MACF1: variants seen among roughly 807,000 people sequenced by gnomAD.
The protein encoded by MACF1 is microtubule actin crosslinking factor 1.
In MACF1, 193 loss-of-function variants were observed where a neutral mutation model predicts 854.8. The ratio of observed to expected loss-of-function variants is 0.23; its 90% CI spans 0.20 to 0.25. The LOEUF is 0.25. MACF1 is among the 10% of genes least tolerant of loss of function. MACF1 has a pLI of 1.00. For synonymous variants in MACF1, 3,185 were observed against 3,226.7 expected (o/e 0.99, Z 0.44); for missense variants, 7,722 against 8,929.1 (o/e 0.86, Z 5.45).
chr1:39,132,763 G>T (rs1356316031), intron 2 of MACF1, among the ~76,000 whole-genome samples: 56 of 152,112 alleles, frequency 3.7e-4, no homozygotes, highest in Admixed American at 3.6e-3. Flanking sequence ...ATGTGTGGGG[G>T]GTGGGAAGGA....
chr1:39,342,868 T>C (rs1247474363), intron 40 of MACF1, among the ~76,000 whole-genome samples: 1 of 152,168 alleles, frequency 6.6e-6, no homozygotes, highest in Non-Finnish European at 1.5e-5. Context: ...ATAGGCTTTA[T>C]GAACCATATG....
chr1:39,232,777 GTTTC>G (rs1644798579), intron 2 of MACF1, among the ~76,000 whole-genome samples: 62 of 119,152 alleles, frequency 5.2e-4, no homozygotes, highest in Non-Finnish European at 1.0e-3. Flanking sequence ...TTGTTTGTTT[GTTTC>G]TTTGTTTGTT....
chr1:39,188,297 C>T (rs905584137), intron 2 of MACF1, among the ~76,000 whole-genome samples: 6 of 152,090 alleles, frequency 3.9e-5, no homozygotes, highest in East Asian at 3.9e-4. Context: ...GATGTGGTGG[C>T]GCATGGAGGC....
At chr1:39,199,800 C>G (rs1644366939), upstream of MACF1, among the ~76,000 whole-genome samples, 1 of 152,168 alleles carries the variant, frequency 6.6e-6, no homozygotes, top group Non-Finnish European at 1.5e-5. Flanking sequence ...GCACAATGCT[C>G]TGCATCTTTT....
At chr1:39,242,118 C>T (rs969211119) in intron 2 of MACF1, among the ~76,000 whole-genome samples, 4 of 152,080 alleles carry the variant, frequency 2.6e-5, no homozygotes, top group African/African-American at 9.7e-5. Flanking sequence ...GAGGCTGAGG[C>T]GGGTGGATCA....
At chr1:39,150,311 G>C (rs759953810) in intron 2 of MACF1, among the ~76,000 whole-genome samples, 21 of 152,260 alleles carry the variant, frequency 1.4e-4, no homozygotes, top group Non-Finnish European at 2.5e-4. Context: ...GAGCCACCGT[G>C]CCTGGCATAA....
chr1:39,335,950 C>G lies in MACF1; in HGVS notation c.9362C>G (p.Ala3121Gly). Residue 3121 changes from alanine to glycine, a missense_variant, in exon 37 of 101, where the codon GCC becomes GGC. Physicochemically the swap from Ala to Gly is moderately conservative, Grantham distance 60. Coordinates refer to ENST00000564288, the MANE Select transcript of MACF1 (RefSeq NM_001394062.1). ...GLHYQESDGKAQVTGPSQISK... is the reference protein window; with the variant it reads ...GLHYQESDGKGQVTGPSQISK... ...CACTACCAGGAATCAGATGGAAAAG[C>G]CCAAGTGACAGGCCCATCCCAAATT... 3 of 1,614,084 alleles carry G rather than the reference C, an allele frequency of 1.9e-6. No homozygotes were observed. The South Asian group carries it at 3.3e-5, about 18-fold the overall frequency.
chr1:39,374,229 G>A lies in MACF1; in HGVS notation c.13213+1633G>A, dbSNP rs551551952. On this transcript the variant is annotated intron_variant, in intron 52 of 100. Coordinates refer to ENST00000564288, the MANE Select transcript of MACF1 (RefSeq NM_001394062.1). ...TGCACTCCAGCCTGTGCGACAGGGC[G>A]AGACTCTGTCTAAAAAAAAATAAAT... is the stretch of plus-strand genomic sequence containing the variant. 4.6e-5 allele frequency among the ~76,000 whole-genome samples: 7 copies of A among 152,268 alleles called. No homozygotes were observed. The East Asian group carries it at 5.8e-4, about 13-fold the overall frequency.
chr1:39,458,548 C>A, intron 90 of MACF1, 58 bp downstream of exon 90: 1 of 1,532,022 alleles, frequency 6.5e-7, no homozygotes, highest in East Asian at 2.3e-5. Context: ...AGGATGAGCA[C>A]TTTCCAAATG....
chr1:39,446,355 T>C (rs2148671752), intron 80 of MACF1, among the ~76,000 whole-genome samples: 1 of 152,000 alleles, frequency 6.6e-6, no homozygotes, highest in Non-Finnish European at 1.5e-5. Context: ...GATAGAATGA[T>C]GTGGAAAGAA....
chr1:39,371,097 G>T (rs1412410524), intron 51 of MACF1, among the ~76,000 whole-genome samples: 1 of 152,002 alleles, frequency 6.6e-6, no homozygotes, highest in African/African-American at 2.4e-5. Flanking sequence ...GAGGCGGGTG[G>T]ATCACAAGGT....
At chr1:39,364,648 G>A (rs551957435) in intron 49 of MACF1, among the ~76,000 whole-genome samples, 14 of 151,732 alleles carry the variant, frequency 9.2e-5, no homozygotes, top group Non-Finnish European at 1.6e-4. Flanking sequence ...GCCTGCCACC[G>A]CGCCTGGCTA....
At chr1:39,390,602 TC>T (rs1380608225) in intron 58 of MACF1, among the ~76,000 whole-genome samples, 5 of 152,182 alleles carry the variant, frequency 3.3e-5, no homozygotes, top group Non-Finnish European at 7.3e-5. Context: ...CTTAGAAACT[TC>T]CTTTCTAGTG....
At chr1:39,223,968 T>C (rs1055300640) in intron 1 of MACF1, among the ~76,000 whole-genome samples, 2 of 152,154 alleles carry the variant, frequency 1.3e-5, no homozygotes, top group African/African-American at 4.8e-5. Flanking sequence ...AAAGAAGAGT[T>C]CAGTTTTAGA....
At chr1:39,473,541 C>T (rs548013600) in intron 97 of MACF1, among the ~76,000 whole-genome samples, 36 of 152,232 alleles carry the variant, frequency 2.4e-4, no homozygotes, top group African/African-American at 7.0e-4. Context: ...GCAAGAGAGC[C>T]GGTCACACAG....
chr1:39,332,428 C>A lies in MACF1; in HGVS notation c.5840C>A (p.Pro1947Gln), dbSNP rs749521103. The A allele has an allele frequency of 6.2e-7, 1 of 1,613,872 alleles. No individual in the cohort carries two copies. Among genetic ancestry groups the A allele is most frequent in the Non-Finnish European group, 8.5e-7 (1 of 1,180,028 alleles). The change falls in exon 37 of 101, where the codon CCG (proline) becomes CAG (glutamine). Residue 1947 changes from proline to glutamine, a missense_variant. Physicochemically the swap from Pro to Gln is moderately conservative, Grantham distance 76. Coordinates refer to ENST00000564288, the MANE Select transcript of MACF1 (RefSeq NM_001394062.1). ...ATTAATCCTGGAGCAGCAGTTCTAC[C>A]GTGCAGCAAGAGCCACCCTAAGGCC... is the stretch of plus-strand genomic sequence containing the variant. ...QNINPGAAVL[P>Q]CSKSHPKATA...
intron 79 of MACF1, among the ~76,000 whole-genome samples, chr1:39,444,114 T>A (rs1468543498): frequency 6.6e-6 from 1 of 152,154 alleles, no homozygotes; most frequent in Non-Finnish European, 1.5e-5. Flanking sequence ...GGTGGGTGGA[T>A]CATGAGGTCA....
intron 60 of MACF1, 74 bp downstream of exon 60, chr1:39,422,974 A>G: frequency 7.2e-7 from 1 of 1,380,312 alleles, no homozygotes; most frequent in Non-Finnish European, 1.0e-6. Context: ...CTTATAGTTT[A>G]AGAAGCAGTT....
At chr1:39,224,536 G>C (rs1205256218) in intron 1 of MACF1, among the ~76,000 whole-genome samples, 1 of 152,122 alleles carries the variant, frequency 6.6e-6, no homozygotes, top group Non-Finnish European at 1.5e-5. Flanking sequence ...GGTGACTGTG[G>C]GGAGAGCAAT....
Sources: allele counts gnomAD v4.1 joint callset (sites outside exome capture counted in the v4.1 genomes callset), GRCh38; gene constraint gnomAD v4.1.1; transcripts MANE v1.5; gene names NCBI Gene and HGNC (gene_info 2026-07-23, HGNC 2026-07-21).